IFNAR2: variants seen among roughly 807,000 people sequenced by gnomAD.
IFNAR2 encodes the protein interferon alpha/beta receptor 2.
In IFNAR2, 30 loss-of-function variants were observed where a neutral mutation model predicts 49.4. The observed-to-expected ratio is 0.61, with a 90% CI of 0.45 to 0.82. The LOEUF is 0.82. Among genes scored for constraint, IFNAR2 ranks in the 40% least tolerant of loss-of-function variants. The pLI is 0.00. For missense variants in IFNAR2, 600 were observed against 622.7 expected (o/e 0.96, Z 0.39); for synonymous variants, 224 against 234.5 (o/e 0.96, Z 0.41).
chr21:33,231,127 A>G (rs1438545540), intron 1 of IFNAR2, among the ~76,000 whole-genome samples: 3 of 152,064 alleles, frequency 2.0e-5, no homozygotes, highest in African/African-American at 4.8e-5. Flanking sequence ...GGAGTTTCCC[A>G]TGTGTGCTCA....
intron 7 of IFNAR2, among the ~76,000 whole-genome samples, chr21:33,257,648 C>G (rs763140888): frequency 2.0e-5 from 3 of 152,124 alleles, no homozygotes; most frequent in Non-Finnish European, 4.4e-5. Context: ...ACAGGAAAGT[C>G]CCTGATTGGT....
intron 1 of IFNAR2, among the ~76,000 whole-genome samples, chr21:33,237,623 G>C (rs1430103601): frequency 6.6e-6 from 1 of 152,242 alleles, no homozygotes; most frequent in Non-Finnish European, 1.5e-5. Context: ...GCTGTGGATT[G>C]ATTATGGGAG....
intron 1 of IFNAR2, among the ~76,000 whole-genome samples, chr21:33,237,308 G>A (rs146915094): frequency 0.01 from 1,540 of 152,030 alleles, 28 homozygotes; most frequent in African/African-American, 0.035. Flanking sequence ...GAGGCCGGAG[G>A]ATCACTTGAG....
chr21:33,237,078 G>GGTGGGTTTGTGT (rs57276350), intron 1 of IFNAR2, among the ~76,000 whole-genome samples: 1 of 147,590 alleles, frequency 6.8e-6, no homozygotes, highest in South Asian at 2.2e-4. Flanking sequence ...GGGAGAATGG[G>GGTGGGTTTGTGT]GTGTGTGTGT....
chr21:33,253,405 G>A (rs1013303241), intron 7 of IFNAR2, among the ~76,000 whole-genome samples: 1 of 152,144 alleles, frequency 6.6e-6, no homozygotes, highest in African/African-American at 2.4e-5. Flanking sequence ...TCAAGCCTCG[G>A]AACTCCCTGC....
intron 1 of IFNAR2, among the ~76,000 whole-genome samples, chr21:33,236,087 G>T (rs1205909305): frequency 6.6e-6 from 1 of 152,130 alleles, no homozygotes; most frequent in Admixed American, 6.5e-5. Flanking sequence ...CATCTTGGGA[G>T]GTTCCCTTGA....
At chr21:33,234,376 G>A (rs1449401989) in intron 1 of IFNAR2, among the ~76,000 whole-genome samples, 1 of 152,144 alleles carries the variant, frequency 6.6e-6, no homozygotes, top group East Asian at 1.9e-4. Context: ...GTAGGAATAA[G>A]GATGAGTGTT....
intron 7 of IFNAR2, among the ~76,000 whole-genome samples, chr21:33,253,369 C>T (rs1179065166): frequency 6.6e-6 from 1 of 152,170 alleles, no homozygotes; most frequent in Non-Finnish European, 1.5e-5. Context: ...GATCCCAAAC[C>T]TTCTTCCCCT....
chr21:33,251,436 A>G, intron 6 of IFNAR2: 3 of 413,198 alleles, frequency 7.3e-6, no homozygotes, highest in Non-Finnish European at 9.8e-6. Context: ...AGATTCAAGA[A>G]AGAGTGGGAG....
chr21:33,230,445 C>G lies in IFNAR2; in HGVS notation c.-84+229C>G. The G allele has an allele frequency of 2.1e-6, 1 of 471,900 alleles. No individual in the cohort carries two copies. 29.2% of individuals were successfully genotyped at this position (471,900 alleles called of 1,614,324 possible). A position where few individuals can be genotyped will look rare whatever the true frequency, so the allele number is the denominator to read the frequency against. Reference sequence around the variant, plus strand: ...CCCAGGACCCCTCCCGGGCCCTGTCCTGCGCCCTCCACGCGTCGCCCCTGC... The same window carrying G: ...CCCAGGACCCCTCCCGGGCCCTGTCGTGCGCCCTCCACGCGTCGCCCCTGC... On this transcript the variant is annotated intron_variant, in intron 1 of 8. Coordinates refer to ENST00000342136, the MANE Select transcript of IFNAR2 (RefSeq NM_001289125.3). The surrounding 1 kb of genome is among the most constrained non-coding windows in gnomAD (Gnocchi z 5.5).
rs1985992728 is a variant in IFNAR2 at position 33,230,697 on chromosome 21, G to A, written c.-84+481G>A. On this transcript the variant is annotated intron_variant, in intron 1 of 8. Transcript: ENST00000342136. This position sits in a 1 kb window ranked among gnomAD's most constrained non-coding sequence, Gnocchi z 5.5. ...CCCTGGGATTAGCCCCCCTCGACCT[G>A]CGTCAGGGTCACAGACTGCAGCCGG... is the stretch of plus-strand genomic sequence containing the variant. 4.7e-6 allele frequency: 2 copies of A among 429,752 alleles called. No individual in the cohort carries two copies. Among genetic ancestry groups the A allele is most frequent in the Non-Finnish European group, 9.6e-6 (2 of 207,748 alleles). The allele number at this position is 429,752 out of a possible 1,614,324, so 26.6% of individuals were successfully genotyped here.
Position 33,263,628 on chromosome 21 carries a change from T to G in IFNAR2, c.*128T>G, listed in dbSNP as rs8178430. 0.024 allele frequency: 20,308 copies of G among 842,600 alleles called. 492 individuals are homozygous for G. Among genetic ancestry groups the G allele is most frequent in the Middle Eastern group, 0.099 (275 of 2,766 alleles). The allele number at this position is 842,600 out of a possible 1,614,324, so 52.2% of individuals were successfully genotyped here. A position where few individuals can be genotyped will look rare whatever the true frequency, so the allele number is the denominator to read the frequency against. On this transcript the variant is annotated 3_prime_UTR_variant, in exon 9 of 9. Transcript: ENST00000342136. The stretch of plus-strand genomic sequence containing the variant: ...AAGGAGGAGGAAACTGTGGTGTTCC[T>G]TTCTTCCAGGTGACATCACCTATGC...
In IFNAR2 at chr21:33,263,825, G is replaced by A. The variant is rs1988802864; in HGVS notation, c.*325G>A. On this transcript the variant is annotated 3_prime_UTR_variant, in exon 9 of 9. Coordinates refer to ENST00000342136, the MANE Select transcript of IFNAR2 (RefSeq NM_001289125.3). ...TCCCCACAGTTTCAGAGGTGGTCCA[G>A]GACCCTATGATATTTCTCTTCTTTC... The A allele has an allele frequency of 8.0e-6, 2 of 251,032 alleles. No homozygotes were observed. Among genetic ancestry groups the A allele is most frequent in the South Asian group, 1.7e-4 (2 of 11,526 alleles). 15.6% of individuals were successfully genotyped at this position (251,032 alleles called of 1,614,324 possible).
intron 3 of IFNAR2, 47 bp downstream of exon 3, chr21:33,243,761 G>A: frequency 7.6e-7 from 1 of 1,311,098 alleles, no homozygotes; most frequent in Non-Finnish European, 1.1e-6. Context: ...AAGAGTGAAA[G>A]TGTTGGGGCA....
intron 4 of IFNAR2, among the ~76,000 whole-genome samples, chr21:33,245,958 C>T (rs1339910657): frequency 6.6e-6 from 1 of 152,120 alleles, no homozygotes; most frequent in Non-Finnish European, 1.5e-5. Flanking sequence ...TAGTCTTAGC[C>T]AGAGAGGGAG....
intron 5 of IFNAR2, among the ~76,000 whole-genome samples, chr21:33,248,114 T>C (rs1215076169): frequency 1.3e-5 from 2 of 151,902 alleles, no homozygotes; most frequent in East Asian, 3.9e-4. Context: ...ATACAAAGAG[T>C]GTGCTTTGGC....
At chr21:33,248,008 G>A (rs559386878) in intron 5 of IFNAR2, among the ~76,000 whole-genome samples, 1 of 152,244 alleles carries the variant, frequency 6.6e-6, no homozygotes, top group Admixed American at 6.5e-5. Context: ...ATGGTATTTG[G>A]GTTGTTAAAG....
intron 8 of IFNAR2, 81 bp downstream of exon 8, chr21:33,260,808 TTTTC>T: frequency 1.1e-6 from 1 of 888,168 alleles, no homozygotes; most frequent in Non-Finnish European, 1.6e-6. Flanking sequence ...TATATAAATA[TTTTC>T]ACAGAAGAAA....
At chr21:33,231,364 C>T (rs991246544) in intron 1 of IFNAR2, among the ~76,000 whole-genome samples, 4 of 152,166 alleles carry the variant, frequency 2.6e-5, no homozygotes, top group Non-Finnish European at 5.9e-5. Context: ...TTCTATTGTT[C>T]ATAAAGTTGT....
Sources: gnomAD v4.1 joint callset for allele counts (sites outside exome capture counted in the v4.1 genomes callset) on GRCh38, gnomAD v4.1.1 for gene constraint, Gnocchi (gnomAD v3.1) non-coding constraint, MANE v1.5 for transcripts, NCBI Gene and HGNC (gene_info 2026-07-23, HGNC 2026-07-21) for gene names.